Variants in OPCML observed in about 807,000 individuals in gnomAD.
OPCML encodes the protein opioid-binding protein/cell adhesion molecule.
A neutral mutation model predicts 37.8 loss-of-function variants in OPCML; 13 were observed. That is an observed-to-expected ratio of 0.34 (90% confidence interval 0.22 to 0.55). The LOEUF is 0.55. Among genes scored for constraint, OPCML ranks in the 20% least tolerant of loss-of-function variants. OPCML has a pLI of 0.91. For synonymous variants in OPCML, 176 were observed against 168.8 expected, an observed-to-expected ratio of 1.04 and a Z score of -0.33; for missense variants, 341 against 435.6, an observed-to-expected ratio of 0.78 and a Z score of 1.93.
At chr11:132,442,889 C>T (rs937103797) in intron 4 of OPCML, among the ~76,000 whole-genome samples, 8 of 152,122 alleles carry the variant, frequency 5.3e-5, no homozygotes, top group Non-Finnish European at 2.9e-5. Flanking sequence ...TCCCCAGTCT[C>T]GGGTGTGTCT....
At chr11:132,877,883 GT>G (rs1212246046) in intron 2 of OPCML, among the ~76,000 whole-genome samples, 1 of 152,130 alleles carries the variant, frequency 6.6e-6, no homozygotes, top group Non-Finnish European at 1.5e-5. Context: ...CTAGAAGCTT[GT>G]TTCTAATTGT....
At chr11:132,420,526 T>C in intron 7 of OPCML, 1 of 374,986 alleles carries the variant, frequency 2.7e-6, no homozygotes, top group South Asian at 1.1e-4. Flanking sequence ...AAAAAGTAAA[T>C]AGGTGAAGCT....
intron 1 of OPCML, among the ~76,000 whole-genome samples, chr11:132,946,268 C>T (rs1945743330): frequency 6.6e-6 from 1 of 152,136 alleles, no homozygotes; most frequent in Admixed American, 6.5e-5. Flanking sequence ...TCTTCTAAAT[C>T]CCTCCTGAAG....
intron 2 of OPCML, among the ~76,000 whole-genome samples, chr11:132,809,162 A>G (rs944812340): frequency 7.2e-5 from 11 of 152,176 alleles, no homozygotes; most frequent in Non-Finnish European, 1.5e-4. Flanking sequence ...TTCTTCCATA[A>G]TGCTAACCAC....
chr11:133,338,747 A>C (rs912423140), intron 1 of OPCML, among the ~76,000 whole-genome samples: 1 of 152,200 alleles, frequency 6.6e-6, no homozygotes, highest in Non-Finnish European at 1.5e-5. Context: ...GGTTTGATAG[A>C]GATAGCTCTG....
chr11:133,342,801 C>A (rs961609411), intron 1 of OPCML, among the ~76,000 whole-genome samples: 1 of 152,114 alleles, frequency 6.6e-6, no homozygotes, highest in Non-Finnish European at 1.5e-5. Flanking sequence ...GAGCAAGAAC[C>A]TGGAGCTAAA....
intron 1 of OPCML, among the ~76,000 whole-genome samples, chr11:133,351,790 T>G (rs929113018): frequency 1.1e-4 from 17 of 151,912 alleles, no homozygotes; most frequent in African/African-American, 4.1e-4. Flanking sequence ...CACGTACACA[T>G]GAATGGAATT....
At chr11:133,376,025 G>A (rs1944795981) in intron 1 of OPCML, among the ~76,000 whole-genome samples, 1 of 152,166 alleles carries the variant, frequency 6.6e-6, no homozygotes, top group Non-Finnish European at 1.5e-5. Flanking sequence ...AACTTTGCCA[G>A]GTAGGAAGAG....
At chr11:133,160,275 C>T (rs139572518) in intron 1 of OPCML, among the ~76,000 whole-genome samples, 10 of 152,264 alleles carry the variant, frequency 6.6e-5, no homozygotes, top group Admixed American at 3.9e-4. Flanking sequence ...CCTTGGTGCC[C>T]TTGGGGAGGA....
chr11:132,569,126 A>C (rs2096431408), intron 3 of OPCML, among the ~76,000 whole-genome samples: 2 of 152,144 alleles, frequency 1.3e-5, no homozygotes, highest in African/African-American at 4.8e-5. Context: ...CCCCACCTCA[A>C]ATTTGCAAAT....
chr11:133,351,220 G>A lies in OPCML; in HGVS notation c.61+181044C>T, dbSNP rs1944130007. Among the ~76,000 whole-genome samples the A allele has an allele frequency of 1.3e-5, 2 of 152,102 alleles. 1 individual carries two copies. Among genetic ancestry groups the A allele is most frequent in the Admixed American group, 1.3e-4 (2 of 15,262 alleles). On this transcript the variant is annotated intron_variant, in intron 1 of 7. Coordinates refer to ENST00000524381, the MANE Select transcript of OPCML (RefSeq NM_001012393.5). ...GTGGTCTGGGGCTAAGTGTAATTAG[G>A]AGTGGATTGAGAAAAGTGTTTTCTA... is the stretch of plus-strand genomic sequence containing the variant.
intron 3 of OPCML, among the ~76,000 whole-genome samples, chr11:132,638,641 T>C: frequency 6.6e-6 from 1 of 152,138 alleles, no homozygotes; most frequent in East Asian, 1.9e-4. Context: ...TTGAGATGTC[T>C]TTTAAGACTT....
In OPCML at chr11:133,004,490, C is replaced by G. The variant is rs76246480; in HGVS notation, c.62-61480G>C. The G allele has an allele frequency of 1.4e-4, 140 of 985,444 alleles. No homozygotes were observed. The African/African-American group carries it at 2.3e-3, about 16-fold the overall frequency. The allele number at this position is 985,444 out of a possible 1,614,324, so 61.0% of individuals were successfully genotyped here. A position where few individuals can be genotyped will look rare whatever the true frequency, so the allele number is the denominator to read the frequency against. On this transcript the variant is annotated intron_variant, in intron 1 of 7. Transcript: ENST00000524381. ...TGGTGGAGGGGACACAGAGGCCAGT[C>G]TGAAGATGCCCTCTGCAGACGACCG...
intron 2 of OPCML, among the ~76,000 whole-genome samples, chr11:132,878,680 G>GC (rs926471991): frequency 1.3e-5 from 2 of 152,028 alleles, no homozygotes; most frequent in Admixed American, 1.3e-4. Flanking sequence ...TATAAACAGA[G>GC]CCAGTAGATC....
chr11:132,782,925 ATATATATATATATATATATATG>A (rs1565860315), intron 2 of OPCML, among the ~76,000 whole-genome samples: 2 of 144,628 alleles, frequency 1.4e-5, no homozygotes, highest in Non-Finnish European at 3.0e-5. Context: ...GTGTATATAT[ATATATATATATATATATATATG>A]TATGTATGTA....
intron 3 of OPCML, among the ~76,000 whole-genome samples, chr11:132,540,780 T>C (rs1325465259): frequency 6.6e-6 from 1 of 152,242 alleles, no homozygotes; most frequent in East Asian, 1.9e-4. Flanking sequence ...CCACAGTGTC[T>C]CTTACAGAAG....
chr11:132,789,139 A>G (rs973577301), intron 2 of OPCML, among the ~76,000 whole-genome samples: 3 of 152,116 alleles, frequency 2.0e-5, no homozygotes, highest in African/African-American at 7.2e-5. Context: ...CTCTGACCCT[A>G]CAAATCTAAA....
chr11:132,996,646 C>T (rs945726560), intron 1 of OPCML, among the ~76,000 whole-genome samples: 1 of 150,050 alleles, frequency 6.7e-6, no homozygotes, highest in Non-Finnish European at 1.5e-5. Context: ...ATACTTGACT[C>T]ATAACTTTCT....
chr11:132,469,156 G>A (rs760179237), intron 4 of OPCML, among the ~76,000 whole-genome samples: 3 of 152,196 alleles, frequency 2.0e-5, no homozygotes, highest in Non-Finnish European at 4.4e-5. Flanking sequence ...AATAAAAGAT[G>A]TAAGATACAT....
Sources: allele counts gnomAD v4.1 joint callset (sites outside exome capture counted in the v4.1 genomes callset), GRCh38; gene constraint gnomAD v4.1.1; transcripts MANE v1.5; gene names NCBI Gene and HGNC (gene_info 2026-07-23, HGNC 2026-07-21).